The following MGAT4C variants were observed in gnomAD, a reference collection of about 807,000 sequenced individuals.
MGAT4C encodes alpha-1,3-mannosyl-glycoprotein 4-beta-N-acetylglucosaminyltransferase C.
Under a neutral mutation model 40.1 loss-of-function variants are expected in MGAT4C, and 19 were observed. The observed-to-expected ratio is 0.47, with a 90% CI of 0.33 to 0.70. MGAT4C has a LOEUF of 0.70. MGAT4C is among the 30% of genes least tolerant of loss of function. MGAT4C has a pLI of 0.02. For missense variants in MGAT4C, 491 were observed against 563.2 expected (o/e 0.87, Z 1.30); for synonymous variants, 181 against 187.1 (o/e 0.97, Z 0.27).
intron 1 of MGAT4C, among the ~76,000 whole-genome samples, chr12:86,191,663 A>ACG (rs540402442): frequency 3.5e-4 from 47 of 135,230 alleles, no homozygotes; most frequent in African/African-American, 1.5e-3. Flanking sequence ...ACACACACAC[A>ACG]CACACACACA....
chr12:86,647,905 G>GTT (rs1325722175), intron 2 of MGAT4C, among the ~76,000 whole-genome samples: 1 of 151,806 alleles, frequency 6.6e-6, no homozygotes, highest in Admixed American at 6.6e-5. Flanking sequence ...ATATGTTCCT[G>GTT]TTTCTTTTAA....
chr12:86,409,428 G>A (rs1207915119), intron 3 of MGAT4C, among the ~76,000 whole-genome samples: 1 of 152,036 alleles, frequency 6.6e-6, no homozygotes, highest in Non-Finnish European at 1.5e-5. Flanking sequence ...TCAAAAACCT[G>A]TGGCAATTGG....
chr12:86,602,155 C>T (rs961935512), intron 2 of MGAT4C, among the ~76,000 whole-genome samples: 1 of 152,134 alleles, frequency 6.6e-6, no homozygotes, highest in Non-Finnish European at 1.5e-5. Flanking sequence ...CCTTGCTGTT[C>T]CTCGCCTGGC....
intron 2 of MGAT4C, among the ~76,000 whole-genome samples, chr12:86,490,309 T>C (rs1404452065): frequency 1.3e-5 from 2 of 152,112 alleles, no homozygotes; most frequent in Admixed American, 6.5e-5. Flanking sequence ...CAGAATTTCA[T>C]ATCCAGGCAA....
intron 2 of MGAT4C, among the ~76,000 whole-genome samples, chr12:86,551,895 G>A (rs1483323320): frequency 6.6e-6 from 1 of 151,830 alleles, no homozygotes; most frequent in Non-Finnish European, 1.5e-5. Flanking sequence ...CAAAGCCAGT[G>A]CATCCCACCT....
intron 3 of MGAT4C, among the ~76,000 whole-genome samples, chr12:86,381,128 T>C (rs1202350450): frequency 6.6e-6 from 1 of 152,106 alleles, no homozygotes; most frequent in Non-Finnish European, 1.5e-5. Context: ...TAAAAAAGCA[T>C]ACCACTATAG....
intron 3 of MGAT4C, among the ~76,000 whole-genome samples, chr12:86,414,007 G>C (rs1429078263): frequency 6.6e-6 from 1 of 151,882 alleles, no homozygotes. Context: ...ACCAAGTTTT[G>C]ACTGCCTAGA....
At chr12:86,760,318 T>C (rs1415664380) in intron 1 of MGAT4C, among the ~76,000 whole-genome samples, 1 of 151,876 alleles carries the variant, frequency 6.6e-6, no homozygotes, top group African/African-American at 2.4e-5. Context: ...ATCAAATCAC[T>C]AGAAAAAACT....
rs1265097654 is a variant in MGAT4C at position 85,959,636 on chromosome 12, G to A, written c.*19653C>T. 1 of 150,764 alleles carries A rather than the reference G, an allele frequency of 6.6e-6. No homozygotes were observed. Among genetic ancestry groups the A allele is most frequent in the African/African-American group, 2.4e-5 (1 of 41,142 alleles). 9.3% of individuals were successfully genotyped at this position (150,764 alleles called of 1,614,324 possible). ...ACCCAGCCACTTGAATAAATAAGTT[G>A]TGTTGTAGTTTCTCAGAGCAACCGC... On this transcript the variant is annotated 3_prime_UTR_variant, in exon 5 of 5. Transcript: ENST00000611864.
intron 2 of MGAT4C, among the ~76,000 whole-genome samples, chr12:86,497,139 A>T (rs1440977167): frequency 1.3e-5 from 2 of 152,162 alleles, no homozygotes; most frequent in East Asian, 3.9e-4. Context: ...TTAGTTAATT[A>T]AAATTATTTT....
chr12:86,014,859 C>G (rs1265662149), intron 2 of MGAT4C, among the ~76,000 whole-genome samples: 1 of 151,776 alleles, frequency 6.6e-6, no homozygotes. Flanking sequence ...GAGACGGGAT[C>G]TCTTGCTGGG....
intron 3 of MGAT4C, among the ~76,000 whole-genome samples, chr12:86,405,430 G>A (rs1956445035): frequency 6.6e-6 from 1 of 151,940 alleles, no homozygotes. Context: ...AAGAAGGCTT[G>A]CACCAGACTT....
chr12:86,548,281 G>A (rs990113224), intron 2 of MGAT4C, among the ~76,000 whole-genome samples: 1 of 151,928 alleles, frequency 6.6e-6, no homozygotes, highest in African/African-American at 2.4e-5. Context: ...CATTTTTCTT[G>A]ATTTTTTTTA....
intron 2 of MGAT4C, among the ~76,000 whole-genome samples, chr12:86,644,100 T>A (rs2136525507): frequency 6.6e-6 from 1 of 151,770 alleles, no homozygotes; most frequent in South Asian, 2.1e-4. Context: ...CTTTTTATAA[T>A]CACTTTGATT....
At chr12:86,143,206 G>A (rs1883075738) in intron 1 of MGAT4C, among the ~76,000 whole-genome samples, 1 of 152,024 alleles carries the variant, frequency 6.6e-6, no homozygotes, top group Admixed American at 6.6e-5. Flanking sequence ...TATTTACCTG[G>A]GATCCTCCAA....
intron 2 of MGAT4C, among the ~76,000 whole-genome samples, chr12:86,041,300 T>C (rs767353699): frequency 1.3e-5 from 2 of 152,116 alleles, no homozygotes; most frequent in Admixed American, 6.6e-5. Flanking sequence ...TTTTTTATGG[T>C]TTGTGTGTCC....
At chr12:86,492,234 T>C (rs1002206396) in intron 2 of MGAT4C, among the ~76,000 whole-genome samples, 2 of 152,252 alleles carry the variant, frequency 1.3e-5, no homozygotes, top group South Asian at 2.1e-4. Flanking sequence ...AGGTAAGTTA[T>C]AGATTCAATG....
intron 3 of MGAT4C, among the ~76,000 whole-genome samples, chr12:86,368,458 G>A (rs1189437316): frequency 1.4e-5 from 2 of 147,818 alleles, no homozygotes; most frequent in Non-Finnish European, 3.0e-5. Flanking sequence ...TTATTTTTGT[G>A]TTTCTTTGTG....
chr12:86,273,052 G>A (rs1446812640), intron 4 of MGAT4C, among the ~76,000 whole-genome samples: 1 of 151,970 alleles, frequency 6.6e-6, no homozygotes, highest in Non-Finnish European at 1.5e-5. Context: ...GAGACTTTTT[G>A]GAGTCCTTTA....
Sources: gnomAD v4.1 joint callset for allele counts (sites outside exome capture counted in the v4.1 genomes callset) on GRCh38, gnomAD v4.1.1 for gene constraint, MANE v1.5 for transcripts, NCBI Gene and HGNC (gene_info 2026-07-23, HGNC 2026-07-21) for gene names.